GFOD1: variants seen among roughly 807,000 people sequenced by gnomAD.
GFOD1 encodes Gfo/Idh/MocA-like oxidoreductase domain containing 1.
Under a neutral mutation model 25.4 loss-of-function variants are expected in GFOD1, and 9 were observed. That is an observed-to-expected ratio of 0.35 (90% CI 0.21 to 0.62). The LOEUF (loss-of-function observed/expected upper bound fraction) is 0.62. Ranked by LOEUF, GFOD1 falls within the 20% of genes least tolerant of loss-of-function variation. The probability of loss-of-function intolerance (pLI) is 0.72; values close to 1 mark genes in which losing one functional copy is unlikely to be tolerated. For missense variants in GFOD1, 403 were observed against 556.9 expected (o/e 0.72, Z 2.78); for synonymous variants, 253 against 245.6 (o/e 1.03, Z -0.28).
At chr6:13,475,103 C>G (rs1322383029) in intron 1 of GFOD1, among the ~76,000 whole-genome samples, 1 of 152,154 alleles carries the variant, frequency 6.6e-6, no homozygotes, top group Non-Finnish European at 1.5e-5. Flanking sequence ...CAATAAATGA[C>G]AAACAACCCA....
intron 1 of GFOD1, among the ~76,000 whole-genome samples, chr6:13,386,066 T>TC (rs1785467624): frequency 6.6e-6 from 1 of 151,398 alleles, no homozygotes; most frequent in Non-Finnish European, 1.5e-5. Context: ...ATTCCTTTTT[T>TC]TTTTTTTTTT....
intron 1 of GFOD1, among the ~76,000 whole-genome samples, chr6:13,433,150 A>C (rs1584648801): frequency 1.6e-5 from 2 of 123,730 alleles, no homozygotes; most frequent in Non-Finnish European, 3.2e-5. Flanking sequence ...ATGGAGTTTC[A>C]CTCTTGTCAC....
chr6:13,399,146 T>C (rs1450763174), intron 1 of GFOD1, among the ~76,000 whole-genome samples: 1 of 152,072 alleles, frequency 6.6e-6, no homozygotes, highest in Non-Finnish European at 1.5e-5. Flanking sequence ...TCCAGGAGCA[T>C]ACCACCAAGC....
chr6:13,463,607 G>T (rs192013993), intron 1 of GFOD1, among the ~76,000 whole-genome samples: 1 of 152,310 alleles, frequency 6.6e-6, no homozygotes, highest in East Asian at 1.9e-4. Context: ...AATCAGTTCA[G>T]TGGGTCACAG....
chr6:13,486,257 C>CG, intron 1 of GFOD1: 1 of 277,464 alleles, frequency 3.6e-6, no homozygotes, highest in Non-Finnish European at 5.2e-6. Flanking sequence ...TCCCCCCCCC[C>CG]CACACACACA....
intron 1 of GFOD1, among the ~76,000 whole-genome samples, chr6:13,422,441 G>C (rs1380427419): frequency 6.6e-6 from 1 of 152,202 alleles, no homozygotes; most frequent in Non-Finnish European, 1.5e-5. Context: ...GCTACACAGA[G>C]AGTGTCCATT....
chr6:13,402,100 T>C (rs1354360981), intron 1 of GFOD1, among the ~76,000 whole-genome samples: 1 of 152,234 alleles, frequency 6.6e-6, no homozygotes, highest in Non-Finnish European at 1.5e-5. Flanking sequence ...GAATCGTCTT[T>C]TTAACAAGTG....
intron 1 of GFOD1, among the ~76,000 whole-genome samples, chr6:13,381,915 G>GTA (rs1554199973): frequency 7.1e-6 from 1 of 140,052 alleles, no homozygotes. Context: ...ACGCGCGCGC[G>GTA]CACACACACA....
Position 13,440,846 on chromosome 6 carries a change from A to G in GFOD1, c.253+45792T>C, listed in dbSNP as rs1253152917. Among the ~76,000 whole-genome samples, 8 of 152,208 alleles carry G rather than the reference A, an allele frequency of 5.3e-5. No homozygotes were observed. The East Asian group carries it at 1.5e-3, about 29-fold the overall frequency. ...TATTTTTAAAGCCCCAGCTTTGCCA[A>G]AATTTCCCTGGTGTGTGTCTGTCCT... On this transcript the variant is annotated intron_variant, in intron 1 of 1. Transcript: ENST00000379287.
intron 1 of GFOD1, among the ~76,000 whole-genome samples, chr6:13,406,821 C>T (rs1258685012): frequency 6.6e-6 from 1 of 152,142 alleles, no homozygotes; most frequent in Non-Finnish European, 1.5e-5. Flanking sequence ...TGTGTTTATC[C>T]CCATGTTGGC....
rs763168816 is a variant in GFOD1 at position 13,365,068 on chromosome 6, G to A, written c.848C>T (p.Thr283Met). ...CGGAAGCAGGGAGTTGCTCACCGGC[G>A]TGGCGTCCTGCACCAGCAGCTCCTG... ...PEQELLVQDATPVSNSLLPEK... is the reference protein window; with the variant it reads ...PEQELLVQDAMPVSNSLLPEK... The change falls in exon 2 of 2, where the codon ACG becomes ATG. Residue 283 changes from threonine to methionine, a missense_variant. By Grantham distance (81) the Thr-to-Met change is moderately conservative (BLOSUM62 -1). Transcript: ENST00000379287. The surrounding 1 kb of genome is among the most constrained non-coding windows in gnomAD (Gnocchi z 9.2). The A allele has an allele frequency of 2.9e-5, 46 of 1,611,286 alleles. No homozygotes were observed. The highest frequency in any genetic ancestry group is 3.8e-5 in the Non-Finnish European group (45 of 1,179,892).
chr6:13,478,891 G>A (rs540913208), intron 1 of GFOD1, among the ~76,000 whole-genome samples: 10 of 152,188 alleles, frequency 6.6e-5, no homozygotes, highest in African/African-American at 2.4e-4. Context: ...TGCGTCATGT[G>A]GGAAACCCCC....
intron 1 of GFOD1, among the ~76,000 whole-genome samples, chr6:13,438,859 A>C (rs1467353975): frequency 6.6e-6 from 1 of 152,220 alleles, no homozygotes. Context: ...GCTGGTACTT[A>C]GGTGAAGGTG....
intron 1 of GFOD1, among the ~76,000 whole-genome samples, chr6:13,447,565 C>T (rs1456619203): frequency 6.6e-6 from 1 of 151,364 alleles, no homozygotes; most frequent in Non-Finnish European, 1.5e-5. Flanking sequence ...TGGTGAAACC[C>T]CATCTCTACT....
intron 1 of GFOD1, chr6:13,408,050 T>G: frequency 1.0e-6 from 1 of 985,458 alleles, no homozygotes; most frequent in Non-Finnish European, 1.2e-6. Flanking sequence ...GTGAGAAATG[T>G]GCCCTTCCCT....
chr6:13,409,526 T>C (rs890675077), intron 1 of GFOD1, among the ~76,000 whole-genome samples: 3 of 151,980 alleles, frequency 2.0e-5, no homozygotes, highest in Admixed American at 2.0e-4. Context: ...AGAGAGATAG[T>C]AGGAAGGATA....
At chr6:13,469,847 G>A in intron 1 of GFOD1, 3 of 1,172,592 alleles carry the variant, frequency 2.6e-6, no homozygotes, top group Admixed American at 2.4e-5. Context: ...TTGGCCATGA[G>A]ACGTAAATGA....
chr6:13,456,015 C>T (rs1381100869), intron 1 of GFOD1, among the ~76,000 whole-genome samples: 1 of 152,186 alleles, frequency 6.6e-6, no homozygotes, highest in Non-Finnish European at 1.5e-5. Flanking sequence ...GCTGGGGGCT[C>T]TCTCCTCATT....
At chr6:13,427,841 C>G (rs1341094920) in intron 1 of GFOD1, among the ~76,000 whole-genome samples, 2 of 152,178 alleles carry the variant, frequency 1.3e-5, no homozygotes, top group South Asian at 2.1e-4. Context: ...AGGCACCTTT[C>G]CAGCCTCTAC....
Sources: gnomAD v4.1 joint callset for allele counts (sites outside exome capture counted in the v4.1 genomes callset) on GRCh38, gnomAD v4.1.1 for gene constraint, Gnocchi (gnomAD v3.1) non-coding constraint, MANE v1.5 for transcripts, NCBI Gene and HGNC (gene_info 2026-07-23, HGNC 2026-07-21) for gene names.